The following TUT4 variants were observed in gnomAD, a reference collection of about 807,000 sequenced individuals.
TUT4 encodes terminal uridylyltransferase 4.
In TUT4, 36 loss-of-function variants were observed where a neutral mutation model predicts 192.2. That is an observed-to-expected ratio of 0.19 (90% CI 0.14 to 0.25). The LOEUF (loss-of-function observed/expected upper bound fraction) is 0.25, where lower values mean the gene tolerates loss of function less well. Among genes scored for constraint, TUT4 ranks in the 10% least tolerant of loss-of-function variants. The pLI is 1.00. For synonymous variants in TUT4, 618 were observed against 666.0 expected, an observed-to-expected ratio of 0.93 and a Z score of 1.11; for missense variants, 1,493 against 1,957.2, an observed-to-expected ratio of 0.76 and a Z score of 4.47.
At chr1:52,510,310 G>A (rs1417372624) in intron 3 of TUT4, among the ~76,000 whole-genome samples, 5 of 101,820 alleles carry the variant, frequency 4.9e-5, no homozygotes, top group African/African-American at 1.8e-4. Flanking sequence ...GCAAGACTTC[G>A]TATTAACAAA....
rs1681546904 is a variant in TUT4 at position 52,525,618 on chromosome 1, A to C, written c.663T>G (p.Asn221Lys). The C allele has an allele frequency of 1.2e-6, 2 of 1,614,104 alleles. No homozygotes were observed. The highest frequency in any genetic ancestry group is 2.7e-5 in the African/African-American group (2 of 75,042). Reference sequence around the variant, plus strand: ...AAGCACTATCATCAGAATCACCAGTATTATCTGTACATGTCTGTTGCTTCT... The same window carrying C: ...AAGCACTATCATCAGAATCACCAGTCTTATCTGTACATGTCTGTTGCTTCT... Reference protein sequence around the residue: ...RSQKQQTCTDNTGDSDDSASG... With the variant: ...RSQKQQTCTDKTGDSDDSASG... The change falls in exon 2 of 30, where the codon AAT becomes AAG. Residue 221 changes from asparagine to lysine, a missense_variant. Physicochemically the swap from Asn to Lys is moderately conservative, Grantham distance 94. Transcript: ENST00000257177.
At position 52,496,411 on chromosome 1, in the gene TUT4, A is replaced by T. The variant is rs541808475; in HGVS notation, c.1177+595T>A. 3.3e-5 allele frequency among the ~76,000 whole-genome samples: 5 copies of T among 152,258 alleles called. No homozygotes were observed. The South Asian group carries it at 1.0e-3, about 32-fold the overall frequency. ...TTTCAATTTTATATTCTTTCTTATAAATCTCAAAATGGATCTATATGAAAG... is the reference window on the plus strand; with the variant it reads ...TTTCAATTTTATATTCTTTCTTATATATCTCAAAATGGATCTATATGAAAG... On this transcript the variant is annotated intron_variant, in intron 5 of 29. Coordinates refer to ENST00000257177, the MANE Select transcript of TUT4 (RefSeq NM_001009881.3).
At chr1:52,471,157 C>T (rs1050280270) in intron 14 of TUT4, among the ~76,000 whole-genome samples, 12 of 152,120 alleles carry the variant, frequency 7.9e-5, no homozygotes, top group African/African-American at 2.9e-4. Flanking sequence ...ACTGGGACTA[C>T]AGGCACCGGC....
chr1:52,458,233 T>C, intron 20 of TUT4, 103 bp downstream of exon 20: 3 of 703,140 alleles, frequency 4.3e-6, no homozygotes, highest in Non-Finnish European at 6.8e-6. Flanking sequence ...AGGACAACCA[T>C]GATGGAAAAA....
At chr1:52,489,846 C>T (rs1181891036) in intron 8 of TUT4, among the ~76,000 whole-genome samples, 1 of 152,160 alleles carries the variant, frequency 6.6e-6, no homozygotes, top group Non-Finnish European at 1.5e-5. Context: ...GCCATAGACT[C>T]ATCTAGCTTT....
At chr1:52,511,505 T>C (rs187411849) in intron 3 of TUT4, among the ~76,000 whole-genome samples, 11 of 152,210 alleles carry the variant, frequency 7.2e-5, no homozygotes, top group African/African-American at 7.2e-5. Flanking sequence ...AATAAACAAA[T>C]GCACAAATAT....
chr1:52,428,456 G>A (rs1296583165), intron 28 of TUT4, among the ~76,000 whole-genome samples: 7 of 151,926 alleles, frequency 4.6e-5, no homozygotes, highest in African/African-American at 7.3e-5. Context: ...GTGAAACCCC[G>A]TCTCTACTAA....
At chr1:52,489,337 T>C (rs1186013892) in intron 8 of TUT4, among the ~76,000 whole-genome samples, 1 of 152,224 alleles carries the variant, frequency 6.6e-6, no homozygotes, top group East Asian at 1.9e-4. Flanking sequence ...GCATTATGAA[T>C]TATCAAAACT....
At chr1:52,507,055 C>A (rs1675786313) in intron 4 of TUT4, among the ~76,000 whole-genome samples, 1 of 152,200 alleles carries the variant, frequency 6.6e-6, no homozygotes, top group African/African-American at 2.4e-5. Flanking sequence ...CTTCTGAGTA[C>A]TCTACCCAGT....
At chr1:52,516,105 A>T (rs746357751) in intron 2 of TUT4, 51 bp from the exon 3 acceptor site, 8 of 1,410,828 alleles carry the variant, frequency 5.7e-6, no homozygotes, top group Non-Finnish European at 7.8e-6. Context: ...TAAATTTTTA[A>T]ATTTTTTAAT....
chr1:52,548,063 C>T (rs1688526580), intron 1 of TUT4, among the ~76,000 whole-genome samples: 3 of 151,994 alleles, frequency 2.0e-5, no homozygotes, highest in Non-Finnish European at 2.9e-5. Flanking sequence ...CATTAGCCAT[C>T]AAAGCAATAA....
chr1:52,471,864 G>A (rs557300461), intron 14 of TUT4, 88 bp downstream of exon 14: 54 of 1,396,954 alleles, frequency 3.9e-5, no homozygotes, highest in South Asian at 3.3e-4. Context: ...AAAACAAAAC[G>A]TAAACAAACT....
chr1:52,430,322 G>A (rs537395280), intron 28 of TUT4, among the ~76,000 whole-genome samples: 13 of 151,918 alleles, frequency 8.6e-5, no homozygotes, highest in African/African-American at 2.2e-4. Flanking sequence ...CTGCTCTGTC[G>A]CCCTGGCTGG....
chr1:52,434,142 G>C (rs1265977897), intron 27 of TUT4: 2 of 152,188 alleles, frequency 1.3e-5, no homozygotes, highest in Admixed American at 1.3e-4. Flanking sequence ...GTTTATGAAA[G>C]TATCAAGCAC....
At position 52,477,891 on chromosome 1, in the gene TUT4, G is replaced by C. The variant is rs1235155847; in HGVS notation, c.1849-9C>G. 1.3e-6 allele frequency: 2 copies of C among 1,570,320 alleles called. No individual in the cohort carries two copies. Among genetic ancestry groups the C allele is most frequent in the African/African-American group, 2.8e-5 (2 of 72,356 alleles). ...TCCAATGCTAAAGGAGACTGGAAAAGAAAAAATACTTTTCATTTAAGCTTA... is the reference window on the plus strand; with the variant it reads ...TCCAATGCTAAAGGAGACTGGAAAACAAAAAATACTTTTCATTTAAGCTTA... On this transcript the variant is annotated splice_polypyrimidine_tract_variant and intron_variant, in intron 11 of 29. Transcript: ENST00000257177.
At position 52,530,793 on chromosome 1, in the gene TUT4, G is replaced by A. The variant is rs544590264; in HGVS notation, c.-93-4420C>T. Among the ~76,000 whole-genome samples the A allele has an allele frequency of 4.6e-5, 7 of 152,110 alleles. No homozygotes were observed. In the South Asian group the frequency reaches 1.2e-3, roughly 27 times the overall value. Reference sequence around the variant, plus strand: ...TGAGGTAGGCTGATTGCTTGAGCTCGCAAGTTCGAGGCCAGCCTGGGCAAC... The same window carrying A: ...TGAGGTAGGCTGATTGCTTGAGCTCACAAGTTCGAGGCCAGCCTGGGCAAC... On this transcript the variant is annotated intron_variant, in intron 1 of 29. Coordinates refer to ENST00000257177, the MANE Select transcript of TUT4 (RefSeq NM_001009881.3).
chr1:52,494,507 C>G (rs564541032), intron 6 of TUT4, among the ~76,000 whole-genome samples: 1 of 152,170 alleles, frequency 6.6e-6, no homozygotes, highest in East Asian at 1.9e-4. Flanking sequence ...GCCTGACCAA[C>G]AAGGTGAAAC....
chr1:52,521,408 T>C (rs1215555678), intron 2 of TUT4, among the ~76,000 whole-genome samples: 1 of 152,166 alleles, frequency 6.6e-6, no homozygotes, highest in Non-Finnish European at 1.5e-5. Flanking sequence ...CTCATGCCTA[T>C]AATCCCAGCA....
chr1:52,551,388 TTATC>T (rs777207867), intron 1 of TUT4, among the ~76,000 whole-genome samples: 2 of 152,240 alleles, frequency 1.3e-5, no homozygotes, highest in Admixed American at 1.3e-4. Context: ...GCAGAAAAAT[TTATC>T]TAAGAGTTTT....
Sources: allele counts gnomAD v4.1 joint callset (sites outside exome capture counted in the v4.1 genomes callset), GRCh38; gene constraint gnomAD v4.1.1; transcripts MANE v1.5; gene names NCBI Gene and HGNC (gene_info 2026-07-23, HGNC 2026-07-21).